Variants in SYTL5 observed in about 807,000 individuals in gnomAD.
SYTL5 encodes synaptotagmin like 5.
SYTL5 carries 34 observed loss-of-function variants against 55.9 expected under a neutral mutation model. The ratio of observed to expected loss-of-function variants is 0.61; its 90% confidence interval spans 0.46 to 0.81. SYTL5 has a LOEUF of 0.81. SYTL5 is among the 30% of genes least tolerant of loss of function. The pLI is 0.00. For missense variants in SYTL5, 637 were observed against 546.7 expected (o/e 1.17, Z -1.65); for synonymous variants, 221 against 188.7 (o/e 1.17, Z -1.40).
intron 1 of SYTL5, chrX:38,023,942 G>T (rs764566357): frequency 1.8e-5 from 2 of 108,728 alleles, no homozygotes; most frequent in South Asian, 8.6e-4. Context: ...ACCATTAAAA[G>T]TAATAGCAAA....
At chrX:38,083,184 C>A (rs761060124) in intron 6 of SYTL5, among the ~76,000 whole-genome samples, 2 of 111,357 alleles carry the variant, frequency 1.8e-5, no homozygotes, top group Non-Finnish European at 3.8e-5. Context: ...AAAACGGCTT[C>A]TGGTCATTAT....
the SYTL5 span, among the ~76,000 whole-genome samples, chrX:37,966,944 C>T: frequency 8.9e-6 from 1 of 111,783 alleles, no homozygotes; most frequent in African/African-American, 3.3e-5. Flanking sequence ...TTTTGTAAGG[C>T]ATGTCTAGTG....
At chrX:37,921,893 T>C in the SYTL5 span, among the ~76,000 whole-genome samples, 1 of 111,958 alleles carries the variant, frequency 8.9e-6, no homozygotes. Context: ...GTTTCTTTTG[T>C]TAATGAAAGG....
At chrX:37,934,057 A>G in the SYTL5 span, among the ~76,000 whole-genome samples, 1 of 112,076 alleles carries the variant, frequency 8.9e-6, no homozygotes, top group Non-Finnish European at 1.9e-5. Flanking sequence ...GAATTAGTTT[A>G]GAAAAGTCAC....
chrX:38,078,266 GT>G (rs60191930), intron 6 of SYTL5, among the ~76,000 whole-genome samples: 27,853 of 100,079 alleles, frequency 0.28, 3,402 homozygotes, highest in African/African-American at 0.4. Context: ...TTTTGTTTTT[GT>G]TTTTTTTTTT....
chrX:38,112,212 C>T lies in SYTL5; in HGVS notation c.1596+1730C>T, dbSNP rs1053679736. Among the ~76,000 whole-genome samples, 12 of 111,646 alleles carry T rather than the reference C, an allele frequency of 1.1e-4. No individual in the cohort carries two copies. The South Asian group carries it at 1.5e-3, about 14-fold the overall frequency. On this transcript the variant is annotated intron_variant, in intron 13 of 16. Coordinates refer to ENST00000297875, the MANE Select transcript of SYTL5 (RefSeq NM_138780.3). ...GAGACTCTCTTTAGAAGACTTCCCTCGGGCTACTGTAGCTTTTTGCCTATG... is the reference window on the plus strand; with the variant it reads ...GAGACTCTCTTTAGAAGACTTCCCTTGGGCTACTGTAGCTTTTTGCCTATG...
At chrX:38,078,418 G>T (rs961220839) in intron 6 of SYTL5, among the ~76,000 whole-genome samples, 1 of 109,875 alleles carries the variant, frequency 9.1e-6, no homozygotes, top group African/African-American at 3.3e-5. Context: ...CCACCACCAC[G>T]CCCAGCTAAT....
intron 2 of SYTL5, among the ~76,000 whole-genome samples, chrX:38,042,073 A>G (rs1009536976): frequency 2.7e-5 from 3 of 110,944 alleles, no homozygotes; most frequent in Non-Finnish European, 5.7e-5. Context: ...ACCTGAGACT[A>G]TATCTATTAT....
intron 7 of SYTL5, among the ~76,000 whole-genome samples, chrX:38,091,477 C>T (rs747110444): frequency 9.0e-6 from 1 of 111,319 alleles, no homozygotes; most frequent in Non-Finnish European, 1.9e-5. Context: ...AGTGACCAGT[C>T]TGGCAGGGAT....
the SYTL5 span, chrX:37,946,359 A>G: frequency 1.2e-5 from 2 of 168,710 alleles, no homozygotes; most frequent in South Asian, 2.3e-4. Flanking sequence ...CTAAGCCTGC[A>G]TAGATTCTTT....
At chrX:38,047,669 G>T (rs1490539580) in intron 2 of SYTL5, among the ~76,000 whole-genome samples, 1 of 112,758 alleles carries the variant, frequency 8.9e-6, no homozygotes, top group Non-Finnish European at 1.9e-5. Context: ...CAGCCGGCAT[G>T]AATTTCTCCT....
At chrX:37,924,233 C>T in the SYTL5 span, among the ~76,000 whole-genome samples, 2 of 111,622 alleles carry the variant, frequency 1.8e-5, no homozygotes, top group African/African-American at 6.5e-5. Context: ...TTTAGCTTCA[C>T]GACTTTGAAT....
chrX:38,070,539 T>C (rs1936231114), intron 3 of SYTL5, among the ~76,000 whole-genome samples: 1 of 111,384 alleles, frequency 9.0e-6, no homozygotes, highest in African/African-American at 3.3e-5. Flanking sequence ...CTCTTCTTCA[T>C]ATATTTAGCC....
chrX:37,898,093 C>T, the SYTL5 span, among the ~76,000 whole-genome samples: 1 of 111,214 alleles, frequency 9.0e-6, no homozygotes, highest in Admixed American at 9.5e-5. Flanking sequence ...AAGTGAAACT[C>T]TGTCTCAAAA....
At chrX:38,037,510 A>C (rs1345815783) in intron 2 of SYTL5, among the ~76,000 whole-genome samples, 1 of 111,709 alleles carries the variant, frequency 9.0e-6, no homozygotes, top group South Asian at 3.7e-4. Flanking sequence ...AAAATAAAGA[A>C]TTTTGGTTCA....
the SYTL5 span, among the ~76,000 whole-genome samples, chrX:37,992,298 G>A: frequency 8.9e-6 from 1 of 112,811 alleles, no homozygotes; most frequent in South Asian, 3.6e-4. Context: ...CCTTGCCTGT[G>A]AGTGCCCACA....
At chrX:38,031,899 AAT>A (rs764915369) in intron 1 of SYTL5, among the ~76,000 whole-genome samples, 1 of 112,230 alleles carries the variant, frequency 8.9e-6, no homozygotes, top group East Asian at 2.8e-4. Context: ...ACCTGGAGTA[AAT>A]CCAGAGAATA....
At chrX:38,069,671 G>A (rs1419778832) in intron 3 of SYTL5, among the ~76,000 whole-genome samples, 1 of 111,538 alleles carries the variant, frequency 9.0e-6, no homozygotes, top group African/African-American at 3.3e-5. Context: ...GATTGCTTTG[G>A]GCCCATGTGG....
intron 9 of SYTL5, among the ~76,000 whole-genome samples, chrX:38,099,377 C>A (rs1937024781): frequency 9.1e-6 from 1 of 110,079 alleles, no homozygotes; most frequent in Non-Finnish European, 1.9e-5. Flanking sequence ...CAAGAAAGAG[C>A]AAAACATAAA....
Sources: allele counts gnomAD v4.1 joint callset (sites outside exome capture counted in the v4.1 genomes callset), GRCh38; gene constraint gnomAD v4.1.1; transcripts MANE v1.5; gene names NCBI Gene and HGNC (gene_info 2026-07-23, HGNC 2026-07-21).